Variants in GNAO1 observed in about 807,000 individuals in gnomAD.
GNAO1 encodes the protein guanine nucleotide-binding protein G(o) subunit alpha.
For synonymous variants in GNAO1, 164 were observed against 180.7 expected (o/e 0.91, Z 0.74); for missense variants, 166 against 478.7 (o/e 0.35, Z 6.10).
chr16:56,217,603 G>A (rs2036447513), intron 2 of GNAO1, among the ~76,000 whole-genome samples: 1 of 152,174 alleles, frequency 6.6e-6, no homozygotes, highest in Non-Finnish European at 1.5e-5. Context: ...CCTGGGTAAG[G>A]GGGTTACATT....
At chr16:56,231,321 T>G (rs1369901517) in intron 2 of GNAO1, among the ~76,000 whole-genome samples, 1 of 152,210 alleles carries the variant, frequency 6.6e-6, no homozygotes, top group African/African-American at 2.4e-5. Context: ...TCTGCCCATA[T>G]GTCACCTCTT....
intron 2 of GNAO1, among the ~76,000 whole-genome samples, chr16:56,209,345 A>G (rs1241703286): frequency 1.3e-5 from 2 of 152,174 alleles, no homozygotes; most frequent in Non-Finnish European, 2.9e-5. Context: ...ACAGTGCCAC[A>G]CTGTCTTGAT....
intron 3 of GNAO1, among the ~76,000 whole-genome samples, chr16:56,285,239 C>T (rs1396250605): frequency 6.6e-6 from 1 of 152,202 alleles, no homozygotes; most frequent in East Asian, 1.9e-4. Flanking sequence ...CTGTCTTTCA[C>T]ACTCCAACCC....
intron 6 of GNAO1, among the ~76,000 whole-genome samples, chr16:56,341,937 C>T (rs2037809262): frequency 6.6e-6 from 1 of 152,224 alleles, no homozygotes; most frequent in African/African-American, 2.4e-5. Context: ...AGACAGAGTC[C>T]CAGTGGGGCA....
intron 3 of GNAO1, among the ~76,000 whole-genome samples, chr16:56,283,733 C>G (rs1459577962): frequency 1.3e-5 from 2 of 152,156 alleles, no homozygotes; most frequent in Non-Finnish European, 2.9e-5. Context: ...AGGCTTCATA[C>G]TCCCATAGCC....
intron 2 of GNAO1, among the ~76,000 whole-genome samples, chr16:56,198,952 C>G (rs940353283): frequency 1.3e-5 from 2 of 152,182 alleles, no homozygotes. Context: ...AGCCCAAGAG[C>G]TGGGGTGACA....
chr16:56,336,089 CCA>C (rs1460616852), intron 5 of GNAO1, among the ~76,000 whole-genome samples: 1 of 152,168 alleles, frequency 6.6e-6, no homozygotes, highest in Non-Finnish European at 1.5e-5. Flanking sequence ...GACGTAAGTC[CCA>C]CCTGCCCACA....
intron 6 of GNAO1, chr16:56,347,909 C>T (rs1287673679): frequency 1.6e-5 from 15 of 916,844 alleles, no homozygotes; most frequent in East Asian, 1.2e-4. Context: ...CTCTGCCCGC[C>T]GTCCCCCACC....
intron 3 of GNAO1, among the ~76,000 whole-genome samples, chr16:56,316,605 A>C (rs1596860709): frequency 6.7e-6 from 1 of 149,428 alleles, no homozygotes; most frequent in Non-Finnish European, 1.5e-5. Flanking sequence ...TTCCCTCCTC[A>C]CCTCCCGAGA....
intron 2 of GNAO1, among the ~76,000 whole-genome samples, chr16:56,262,998 G>A (rs2036917811): frequency 6.6e-6 from 1 of 152,248 alleles, no homozygotes; most frequent in Non-Finnish European, 1.5e-5. Context: ...ACAGAGGACA[G>A]CATAAGGCAG....
intron 2 of GNAO1, among the ~76,000 whole-genome samples, chr16:56,267,713 T>G (rs375892012): frequency 6.6e-6 from 1 of 152,230 alleles, no homozygotes; most frequent in African/African-American, 2.4e-5. Flanking sequence ...TTTGTGACAT[T>G]ACTTCTTTCA....
chr16:56,275,857 G>T, intron 2 of GNAO1, 74 bp from the exon 3 acceptor site: 1 of 1,321,886 alleles, frequency 7.6e-7, no homozygotes, highest in Non-Finnish European at 1.0e-6. Flanking sequence ...CAGCCAGTGC[G>T]TCTCATGCCT....
At chr16:56,207,397 T>C (rs1020887510) in intron 2 of GNAO1, among the ~76,000 whole-genome samples, 1 of 152,236 alleles carries the variant, frequency 6.6e-6, no homozygotes, top group Non-Finnish European at 1.5e-5. Flanking sequence ...ATTCCCTAAA[T>C]GGTAGCTATT....
In GNAO1 at chr16:56,357,069, A is replaced by C. The variant is rs2037976972; in HGVS notation, c.*995A>C. 1 of 152,312 alleles carries C rather than the reference A, an allele frequency of 6.6e-6. No homozygotes were observed. The highest frequency in any genetic ancestry group is 2.4e-5 in the African/African-American group (1 of 41,388). 9.4% of individuals were successfully genotyped at this position (152,312 alleles called of 1,614,324 possible). A position where few individuals can be genotyped will look rare whatever the true frequency, so the allele number is the denominator to read the frequency against. On this transcript the variant is annotated 3_prime_UTR_variant, in exon 9 of 9. Coordinates refer to ENST00000262493, the MANE Select transcript of GNAO1 (RefSeq NM_020988.3). The stretch of plus-strand genomic sequence containing the variant: ...TACCACAAGATGGAAAAAAAAAACA[A>C]AAAAATTTAAAAAGATGGAATGTAG...
At chr16:56,355,256 T>A (rs2037957643) in intron 8 of GNAO1, 175 bp downstream of exon 8, 1 of 182,404 alleles carries the variant, frequency 5.5e-6, no homozygotes, top group Non-Finnish European at 1.1e-5. Flanking sequence ...ATCTTTTTAG[T>A]TTGTACTAGA....
intron 8 of GNAO1, 94 bp downstream of exon 8, chr16:56,355,175 GTAAA>G (rs537751452): frequency 8.1e-5 from 33 of 406,570 alleles, no homozygotes; most frequent in Middle Eastern, 5.9e-4. Flanking sequence ...ATGCAAGTTG[GTAAA>G]TAAACTTTAA....
chr16:56,225,854 G>A (rs1415845057), intron 2 of GNAO1, among the ~76,000 whole-genome samples: 2 of 152,016 alleles, frequency 1.3e-5, no homozygotes, highest in Non-Finnish European at 2.9e-5. Flanking sequence ...ATGTGATAGA[G>A]GATAGTTGAG....
chr16:56,299,794 G>A (rs944535770), intron 3 of GNAO1, among the ~76,000 whole-genome samples: 1 of 152,028 alleles, frequency 6.6e-6, no homozygotes, highest in Non-Finnish European at 1.5e-5. Context: ...CAGGAGGATG[G>A]AAATAGTTCC....
intron 4 of GNAO1, among the ~76,000 whole-genome samples, chr16:56,333,210 CTTTTTTTT>C (rs71149663): frequency 3.5e-5 from 5 of 140,856 alleles, no homozygotes; most frequent in African/African-American, 1.3e-4. Flanking sequence ...TTCTTTTTTT[CTTTTTTTT>C]TTTTTTCTCC....
Sources: allele counts gnomAD v4.1 joint callset (sites outside exome capture counted in the v4.1 genomes callset), GRCh38; gene constraint gnomAD v4.1.1; transcripts MANE v1.5; gene names NCBI Gene and HGNC (gene_info 2026-07-23, HGNC 2026-07-21).